The following PPM1L variants were observed in gnomAD, a reference collection of about 807,000 sequenced individuals.
The protein encoded by PPM1L is protein phosphatase 1L.
Under a neutral mutation model 31.4 loss-of-function variants are expected in PPM1L, and 13 were observed. The observed-to-expected ratio is 0.41, with a 90% confidence interval of 0.27 to 0.66. PPM1L has a LOEUF of 0.66. PPM1L is among the 30% of genes least tolerant of loss of function. PPM1L has a pLI of 0.29. For missense variants in PPM1L, 326 were observed against 453.7 expected, an observed-to-expected ratio of 0.72 and a Z score of 2.56; for synonymous variants, 184 against 175.4, an observed-to-expected ratio of 1.05 and a Z score of -0.39.
chr3:161,039,773 C>T (rs550762740), intron 2 of PPM1L, among the ~76,000 whole-genome samples: 118 of 152,288 alleles, frequency 7.7e-4, no homozygotes, highest in African/African-American at 2.8e-3. Flanking sequence ...GCCTCGGCCT[C>T]CCAAAGTGCT....
At chr3:160,871,714 G>A (rs1000243977) in intron 1 of PPM1L, among the ~76,000 whole-genome samples, 4 of 151,530 alleles carry the variant, frequency 2.6e-5, no homozygotes, top group African/African-American at 9.7e-5. Context: ...GGCTCTGTAC[G>A]TATTATGGAC....
intron 2 of PPM1L, among the ~76,000 whole-genome samples, chr3:161,002,243 G>A (rs1402046973): frequency 1.3e-5 from 2 of 152,076 alleles, no homozygotes; most frequent in Non-Finnish European, 2.9e-5. Flanking sequence ...ATCATTGTTG[G>A]ACATTTGGGT....
At chr3:160,763,400 A>G (rs1466882032) in intron 1 of PPM1L, among the ~76,000 whole-genome samples, 1 of 152,246 alleles carries the variant, frequency 6.6e-6, no homozygotes, top group Non-Finnish European at 1.5e-5. Context: ...AAGAGATTAT[A>G]GGAATAAAAC....
chr3:161,048,940 G>T (rs1359431358), intron 2 of PPM1L, among the ~76,000 whole-genome samples: 1 of 105,916 alleles, frequency 9.4e-6, no homozygotes, highest in Admixed American at 1.3e-4. Context: ...TGGGGTGGGG[G>T]GAGGGGGGAG....
intron 2 of PPM1L, among the ~76,000 whole-genome samples, chr3:161,047,364 G>C (rs1719117679): frequency 1.3e-5 from 2 of 152,054 alleles, no homozygotes; most frequent in African/African-American, 4.8e-5. Context: ...AAATACCTAG[G>C]AATCCAACTT....
chr3:160,973,443 T>A (rs1463446482), intron 2 of PPM1L, among the ~76,000 whole-genome samples: 2 of 152,252 alleles, frequency 1.3e-5, no homozygotes, highest in Non-Finnish European at 2.9e-5. Flanking sequence ...ATCGGGATTG[T>A]GTAAACAAGA....
chr3:160,783,612 A>G (rs1247132919), intron 1 of PPM1L, among the ~76,000 whole-genome samples: 1 of 150,104 alleles, frequency 6.7e-6, no homozygotes, highest in East Asian at 1.9e-4. Flanking sequence ...AAAAAAAAAA[A>G]AAGAAAAAGA....
At chr3:161,002,190 G>A (rs946441120) in intron 2 of PPM1L, among the ~76,000 whole-genome samples, 1 of 152,174 alleles carries the variant, frequency 6.6e-6, no homozygotes, top group East Asian at 1.9e-4. Context: ...TGGCCGCATA[G>A]TATTCCATGG....
At chr3:160,976,560 T>C (rs1716584784) in intron 2 of PPM1L, among the ~76,000 whole-genome samples, 1 of 151,398 alleles carries the variant, frequency 6.6e-6, no homozygotes, top group Non-Finnish European at 1.5e-5. Context: ...GGTCCTGTTA[T>C]TGGTCTATTC....
chr3:160,823,649 C>T (rs1170746020), intron 1 of PPM1L, among the ~76,000 whole-genome samples: 1 of 151,976 alleles, frequency 6.6e-6, no homozygotes, highest in Admixed American at 6.6e-5. Flanking sequence ...CTAATTGTTA[C>T]CATTTCTTAA....
At chr3:160,955,817 AT>A (rs375715474) in intron 1 of PPM1L, among the ~76,000 whole-genome samples, 14 of 148,454 alleles carry the variant, frequency 9.4e-5, no homozygotes, top group East Asian at 2.0e-4. Flanking sequence ...CGTCCGGATA[AT>A]TTTTTTTTTG....
chr3:160,774,579 A>G (rs1011314709), intron 1 of PPM1L, among the ~76,000 whole-genome samples: 1 of 152,112 alleles, frequency 6.6e-6, no homozygotes, highest in Non-Finnish European at 1.5e-5. Context: ...TGGCTCCTTT[A>G]TCTTATTCAA....
chr3:160,884,830 A>T (rs577920301), intron 1 of PPM1L, among the ~76,000 whole-genome samples: 3 of 152,352 alleles, frequency 2.0e-5, no homozygotes, highest in Non-Finnish European at 4.4e-5. Flanking sequence ...TTTACTCATA[A>T]ACTTCTAAGA....
Position 161,078,103 on chromosome 3 carries a change from T to C in PPM1L, c.*8946T>C, listed in dbSNP as rs1720166875. The C allele has an allele frequency of 6.6e-6, 1 of 152,130 alleles. No homozygotes were observed. The highest frequency in any genetic ancestry group is 2.1e-4 in the South Asian group (1 of 4,836). 9.4% of individuals were successfully genotyped at this position (152,130 alleles called of 1,614,324 possible). On this transcript the variant is annotated 3_prime_UTR_variant, in exon 4 of 4. Coordinates refer to ENST00000498165, the MANE Select transcript of PPM1L (RefSeq NM_139245.4). ...TGTTTTGTTTTTAATCATGAGCACA[T>C]ATAAAAGGAAATTCAAATGAAACCA...
In PPM1L at chr3:160,866,253, A is replaced by G. The variant is rs116342456; in HGVS notation, c.400-95483A>G. On this transcript the variant is annotated intron_variant, in intron 1 of 3. Coordinates refer to ENST00000498165, the MANE Select transcript of PPM1L (RefSeq NM_139245.4). ...AGTACTATACAAAATAGTCATACAG[A>G]CACACTTTCAACTTTTAATATTAAT... Among the ~76,000 whole-genome samples, 687 of 152,356 alleles carry G rather than the reference A, an allele frequency of 4.5e-3. 6 individuals carry two copies. Among genetic ancestry groups the G allele is most frequent in the African/African-American group, 0.015 (630 of 41,576 alleles).
intron 1 of PPM1L, among the ~76,000 whole-genome samples, chr3:160,864,155 C>G (rs566643566): frequency 6.6e-6 from 1 of 152,170 alleles, no homozygotes; most frequent in Non-Finnish European, 1.5e-5. Context: ...ACCTCATTCT[C>G]CCTTGTCTGT....
At chr3:160,849,937 T>C (rs563025745) in intron 1 of PPM1L, among the ~76,000 whole-genome samples, 2 of 152,286 alleles carry the variant, frequency 1.3e-5, no homozygotes, top group South Asian at 4.1e-4. Context: ...CACTAAAATA[T>C]GTGGAGGTTT....
At chr3:160,886,897 A>G (rs1712935905) in intron 1 of PPM1L, among the ~76,000 whole-genome samples, 1 of 152,090 alleles carries the variant, frequency 6.6e-6, no homozygotes, top group South Asian at 2.1e-4. Context: ...GAAGGTGGGT[A>G]ATAAAAAACT....
At chr3:160,902,269 A>G (rs1713570127) in intron 1 of PPM1L, among the ~76,000 whole-genome samples, 1 of 152,188 alleles carries the variant, frequency 6.6e-6, no homozygotes, top group Admixed American at 6.6e-5. Context: ...TTGGGAAACT[A>G]TCTGCTATGA....
Sources: gnomAD v4.1 joint callset for allele counts (sites outside exome capture counted in the v4.1 genomes callset) on GRCh38, gnomAD v4.1.1 for gene constraint, MANE v1.5 for transcripts, NCBI Gene and HGNC (gene_info 2026-07-23, HGNC 2026-07-21) for gene names.